PTER: variants seen among roughly 807,000 people sequenced by gnomAD.
PTER encodes phosphotriesterase related, also known as N-acetyltaurine hydrolase.
A neutral mutation model predicts 29.6 loss-of-function variants in PTER; 38 were observed. The ratio of observed to expected loss-of-function variants is 1.28; its 90% CI spans 0.99 to 1.68. The LOEUF is 1.68. Ranked by LOEUF, PTER falls within the 40% of genes most tolerant of loss-of-function variation. The pLI, the probability that PTER is intolerant of heterozygous loss-of-function variation, is 0.00. For missense variants in PTER, 482 were observed against 427.8 expected (o/e 1.13, Z -1.12); for synonymous variants, 172 against 154.5 (o/e 1.11, Z -0.84).
chr10:16,499,066 C>G (rs1836230586), intron 3 of PTER, among the ~76,000 whole-genome samples: 1 of 152,154 alleles, frequency 6.6e-6, no homozygotes, highest in Admixed American at 6.5e-5. Flanking sequence ...GGCCTCAACA[C>G]AAAAGCAGTT....
chr10:16,502,559 T>A (rs1836392598), intron 3 of PTER, among the ~76,000 whole-genome samples: 1 of 152,036 alleles, frequency 6.6e-6, no homozygotes, highest in African/African-American at 2.4e-5. Context: ...ATTTGGTGAA[T>A]AAATGAAAAG....
chr10:16,447,086 G>A (rs1482643088), intron 1 of PTER, among the ~76,000 whole-genome samples: 2 of 147,548 alleles, frequency 1.4e-5, no homozygotes, highest in Non-Finnish European at 3.0e-5. Context: ...AGCATACCCG[G>A]CCTTTTTTTC....
At chr10:16,515,772 A>C (rs544408269), downstream of PTER, among the ~76,000 whole-genome samples, 4 of 152,308 alleles carry the variant, frequency 2.6e-5, no homozygotes, top group South Asian at 8.3e-4. Flanking sequence ...GATTTATTTC[A>C]GTAAAACATC....
chr10:16,441,383 G>A (rs937635696), intron 1 of PTER, among the ~76,000 whole-genome samples: 4 of 151,664 alleles, frequency 2.6e-5, no homozygotes, highest in South Asian at 4.2e-4. Context: ...TGACTAATAC[G>A]TTTTTTTTCA....
chr10:16,487,243 A>G (rs1409370584), intron 3 of PTER, among the ~76,000 whole-genome samples: 1 of 152,202 alleles, frequency 6.6e-6, no homozygotes. Context: ...TTAGTCTCTC[A>G]AAGTTCTGGA....
Position 16,467,495 on chromosome 10 carries a change from G to C in PTER, c.-48-16842G>C, listed in dbSNP as rs150267112. Among the ~76,000 whole-genome samples the C allele has an allele frequency of 1.8e-3, 275 of 152,204 alleles. 9 individuals are homozygous for C. The East Asian group carries it at 0.051, about 28-fold the overall frequency. ...AAAGGCTATGTATTCCTATGTAGTT[G>C]GGTACAGAATAATAATCTAAAATAG... On this transcript the variant is annotated intron_variant, in intron 1 of 4. Coordinates refer to ENST00000535784, the MANE Select transcript of PTER (RefSeq NM_001261836.2).
At chr10:16,475,912 T>C (rs988698450) in intron 1 of PTER, 34 of 152,226 alleles carry the variant, frequency 2.2e-4, no homozygotes, top group African/African-American at 8.2e-4. Context: ...TTGCTAATTT[T>C]TTTGAAAGAA....
downstream of PTER, chr10:16,514,015 CAA>C (rs1421684695): frequency 3.5e-6 from 1 of 287,886 alleles, no homozygotes; most frequent in Non-Finnish European, 6.4e-6. Flanking sequence ...CTAAGGTTAA[CAA>C]GAGTACAAGG....
At chr10:16,484,951 G>C (rs1835636690) in intron 2 of PTER, 135 bp downstream of exon 2, 5 of 981,918 alleles carry the variant, frequency 5.1e-6, no homozygotes, top group Non-Finnish European at 7.2e-6. Context: ...TGCCAGTTGG[G>C]GCCCCAGTTA....
Position 16,511,357 on chromosome 10 carries a change from T to C in PTER, c.*101T>C. ...ATATTAATCAGTTACCTAGGACTAATGACAGATCATTTCCTTCTGATGAGA... is the reference window on the plus strand; with the variant it reads ...ATATTAATCAGTTACCTAGGACTAACGACAGATCATTTCCTTCTGATGAGA... On this transcript the variant is annotated 3_prime_UTR_variant, in exon 5 of 5. Transcript: ENST00000535784. The C allele has an allele frequency of 9.5e-7, 1 of 1,057,352 alleles. No individual in the cohort carries two copies. The highest frequency in any genetic ancestry group is 1.4e-6 in the Non-Finnish European group (1 of 701,722). The allele number at this position is 1,057,352 out of a possible 1,614,324, so 65.5% of individuals were successfully genotyped here.
chr10:16,438,940 G>GT, intron 1 of PTER, among the ~76,000 whole-genome samples: 1 of 115,810 alleles, frequency 8.6e-6, no homozygotes, highest in Non-Finnish European at 1.8e-5. Flanking sequence ...AAAAAAAAAG[G>GT]TAAGTGGTCT....
rs1836855743 is a variant in PTER at position 16,512,582 on chromosome 10, G to C, written c.*1326G>C. 6.6e-6 allele frequency: 1 copy of C among 152,054 alleles called. No individual in the cohort carries two copies. The highest frequency in any genetic ancestry group is 2.4e-5 in the African/African-American group (1 of 41,422). The allele number at this position is 152,054 out of a possible 1,614,324, so 9.4% of individuals were successfully genotyped here. A position where few individuals can be genotyped will look rare whatever the true frequency, so the allele number is the denominator to read the frequency against. On this transcript the variant is annotated 3_prime_UTR_variant, in exon 5 of 5. Transcript: ENST00000535784. Reference sequence around the variant, plus strand: ...CACCACCTTCAGATAGGCACACCATGCATAACTCTTGGGAAGTTGAGCTTT... The same window carrying C: ...CACCACCTTCAGATAGGCACACCATCCATAACTCTTGGGAAGTTGAGCTTT...
At chr10:16,483,304 C>G (rs906554089) in intron 1 of PTER, among the ~76,000 whole-genome samples, 4 of 152,244 alleles carry the variant, frequency 2.6e-5, no homozygotes, top group African/African-American at 9.6e-5. Flanking sequence ...AGAATCTTTG[C>G]TTTTCAGTAT....
intron 1 of PTER, among the ~76,000 whole-genome samples, chr10:16,457,644 G>A (rs941101541): frequency 1.3e-5 from 2 of 152,042 alleles, no homozygotes; most frequent in African/African-American, 4.8e-5. Context: ...CTGTCACCCA[G>A]GCTGGAGTGC....
chr10:16,482,428 A>C (rs978156796), intron 1 of PTER, among the ~76,000 whole-genome samples: 2 of 152,218 alleles, frequency 1.3e-5, no homozygotes, highest in Admixed American at 6.5e-5. Context: ...AATTCGCAAA[A>C]CAAAGCTACT....
At chr10:16,456,296 C>G (rs1363447872) in intron 1 of PTER, among the ~76,000 whole-genome samples, 1 of 152,204 alleles carries the variant, frequency 6.6e-6, no homozygotes, top group Admixed American at 6.5e-5. Context: ...ATCCTGTTCT[C>G]ACTTAAACAT....
At position 16,496,600 on chromosome 10, in the gene PTER, A is replaced by G. The variant is rs1415462087; in HGVS notation, c.699-8420A>G. Among the ~76,000 whole-genome samples the G allele has an allele frequency of 3.9e-5, 6 of 152,156 alleles. No individual in the cohort carries two copies. The South Asian group carries it at 1.0e-3, about 26-fold the overall frequency. On this transcript the variant is annotated intron_variant, in intron 3 of 4. Transcript: ENST00000535784. ...CAGAAACAGCCAACCACTGTTTGAT[A>G]TCTCCTTCTCTTTGCCAACCTAGTT...
Position 16,505,181 on chromosome 10 carries a change from C to T in PTER, c.839+21C>T, listed in dbSNP as rs1422917532. The T allele has an allele frequency of 2.5e-6, 4 of 1,612,124 alleles. No homozygotes were observed. The South Asian group carries it at 3.3e-5, about 13-fold the overall frequency. ...AGAAGGTAAATATGGTAAAGCCTCTCATAGCATTCCCTTTCCCTAGCCCTT... is the reference window on the plus strand; with the variant it reads ...AGAAGGTAAATATGGTAAAGCCTCTTATAGCATTCCCTTTCCCTAGCCCTT... On this transcript the variant is annotated intron_variant, in intron 4 of 4. Coordinates refer to ENST00000535784, the MANE Select transcript of PTER (RefSeq NM_001261836.2).
intron 1 of PTER, among the ~76,000 whole-genome samples, chr10:16,449,709 A>G (rs1213444200): frequency 6.6e-6 from 1 of 152,162 alleles, no homozygotes; most frequent in Non-Finnish European, 1.5e-5. Context: ...AGAGCTCTTC[A>G]AGGATGCAGG....
Sources: allele counts gnomAD v4.1 joint callset (sites outside exome capture counted in the v4.1 genomes callset), GRCh38; gene constraint gnomAD v4.1.1; transcripts MANE v1.5; gene names NCBI Gene and HGNC (gene_info 2026-07-23, HGNC 2026-07-21).